Variants in PRDM10 observed in about 807,000 individuals in gnomAD.
The protein encoded by PRDM10 is PR domain zinc finger protein 10.
A neutral mutation model predicts 133.1 loss-of-function variants in PRDM10; 65 were observed. The observed-to-expected ratio is 0.49, with a 90% CI of 0.40 to 0.60. PRDM10 has a LOEUF of 0.60. PRDM10 is among the 20% of genes least tolerant of loss of function. The pLI, the probability that PRDM10 is intolerant of heterozygous loss-of-function variation, is 0.00. For synonymous variants in PRDM10, 582 were observed against 580.4 expected, an observed-to-expected ratio of 1.00 and a Z score of -0.04; for missense variants, 1,137 against 1,507.1, an observed-to-expected ratio of 0.75 and a Z score of 4.07.
At chr11:129,969,564 T>C (rs1378971940) in intron 1 of PRDM10, among the ~76,000 whole-genome samples, 1 of 149,974 alleles carries the variant, frequency 6.7e-6, no homozygotes, top group African/African-American at 2.5e-5. Flanking sequence ...GAGGCCAAGG[T>C]GGGCGGATCA....
intron 2 of PRDM10, among the ~76,000 whole-genome samples, chr11:129,958,267 A>T (rs1158163460): frequency 6.6e-6 from 1 of 152,172 alleles, no homozygotes; most frequent in Non-Finnish European, 1.5e-5. Flanking sequence ...ATACGTCAAG[A>T]CTCAAAAGCC....
rs1029453562 is a variant in PRDM10 at position 129,914,812 on chromosome 11, T to A, written c.2733A>T (p.Arg911=). ...ELSQTLTTDY[R]TPQGDYQRIQ... ...TTCTCTGGTAATCCCCTTGTGGCGTTCGGTAGTCTGTCGTTAAGGTCTGGG... is the reference window on the plus strand; with the variant it reads ...TTCTCTGGTAATCCCCTTGTGGCGTACGGTAGTCTGTCGTTAAGGTCTGGG... Residue 911 remains arginine, a synonymous_variant, in exon 17 of 21, where the codon CGA becomes CGT. Transcript: ENST00000360871. 1 of 1,614,154 alleles carries A rather than the reference T, an allele frequency of 6.2e-7. No individual in the cohort carries two copies.
intron 1 of PRDM10, among the ~76,000 whole-genome samples, chr11:129,966,448 C>G (rs1381811529): frequency 6.6e-6 from 1 of 152,200 alleles, no homozygotes; most frequent in East Asian, 1.9e-4. Flanking sequence ...CATAGGGTCA[C>G]TGCCCACTCA....
intron 6 of PRDM10, among the ~76,000 whole-genome samples, chr11:129,943,853 C>T (rs548535865): frequency 6.6e-6 from 1 of 152,084 alleles, no homozygotes; most frequent in South Asian, 2.1e-4. Context: ...ATTAGCTGGG[C>T]GTGATGGCAG....
chr11:129,974,654 T>A (rs1279108899), intron 1 of PRDM10, among the ~76,000 whole-genome samples: 1 of 152,148 alleles, frequency 6.6e-6, no homozygotes, highest in Middle Eastern at 3.2e-3. Flanking sequence ...CACTCCACAG[T>A]TACATCTGAG....
intron 1 of PRDM10, among the ~76,000 whole-genome samples, chr11:130,001,472 CA>C (rs1939372374): frequency 1.3e-5 from 2 of 152,140 alleles, no homozygotes; most frequent in Admixed American, 1.3e-4. Context: ...AAGGTTTCAA[CA>C]GGCAAAGCAG....
At chr11:129,968,204 G>T (rs1951944831) in intron 1 of PRDM10, among the ~76,000 whole-genome samples, 3 of 152,134 alleles carry the variant, frequency 2.0e-5, no homozygotes, top group African/African-American at 7.2e-5. Context: ...AGCAACAAAG[G>T]TTTCTGTACT....
At chr11:129,944,238 C>G (rs755669789) in intron 6 of PRDM10, among the ~76,000 whole-genome samples, 1 of 152,120 alleles carries the variant, frequency 6.6e-6, no homozygotes, top group Non-Finnish European at 1.5e-5. Flanking sequence ...TATTTTACTA[C>G]GGCAACCCTA....
At chr11:129,989,835 G>A (rs1019595772) in intron 1 of PRDM10, among the ~76,000 whole-genome samples, 2 of 152,078 alleles carry the variant, frequency 1.3e-5, no homozygotes, top group Non-Finnish European at 2.9e-5. Context: ...GTAACTACTC[G>A]TTCACTCTAC....
chr11:129,979,015 C>A (rs1396918072), intron 1 of PRDM10, among the ~76,000 whole-genome samples: 1 of 152,168 alleles, frequency 6.6e-6, no homozygotes, highest in African/African-American at 2.4e-5. Flanking sequence ...CCTAGCCCGA[C>A]AATCCTACAT....
rs916671714 is a variant in PRDM10, at chr11:129,902,455, G to C, written c.3329C>G (p.Ser1110Cys). 1 of 1,614,242 alleles carries C rather than the reference G, an allele frequency of 6.2e-7. No homozygotes were observed. The highest frequency in any genetic ancestry group is 8.5e-7 in the Non-Finnish European group (1 of 1,180,046). ...AGGTGGCTCGACCTGGACTCCACCA[G>C]AGAGGGCAGAAGTTTGCTTTTCTTC... ...ELEEKQTSAL[S>C]GGVQVEPPAH... Residue 1110 changes from serine to cysteine, a missense_variant, in exon 21 of 21, where the codon TCT becomes TGT. This residue lies in a region of PRDM10 where 243 missense variants were observed against 259.2 expected (regional missense o/e 0.94). Coordinates refer to ENST00000360871, the MANE Select transcript of PRDM10 (RefSeq NM_199437.2).
chr11:129,973,364 T>C (rs987176468), intron 1 of PRDM10, among the ~76,000 whole-genome samples: 1 of 152,174 alleles, frequency 6.6e-6, no homozygotes, highest in African/African-American at 2.4e-5. Flanking sequence ...ATAACTGAGC[T>C]AAGGAAACCA....
chr11:129,932,247 T>C lies in PRDM10; in HGVS notation c.1158-16A>G. ...GCCTCTTGTTCTGGGGACAAGAGAT[T>C]GGGTTACAGGTCGTCATGGTTACAT... On this transcript the variant is annotated splice_polypyrimidine_tract_variant and intron_variant, in intron 9 of 20. Transcript: ENST00000360871. 1 of 1,613,278 alleles carries C rather than the reference T, an allele frequency of 6.2e-7. No individual in the cohort carries two copies. The highest frequency in any genetic ancestry group is 8.5e-7 in the Non-Finnish European group (1 of 1,179,402).
chr11:129,960,051 T>A (rs1951768057), intron 2 of PRDM10, among the ~76,000 whole-genome samples: 1 of 152,012 alleles, frequency 6.6e-6, no homozygotes. Flanking sequence ...AACCACCATA[T>A]TTGGTCCATA....
At chr11:129,954,921 A>C (rs913360310) in intron 4 of PRDM10, among the ~76,000 whole-genome samples, 1 of 152,202 alleles carries the variant, frequency 6.6e-6, no homozygotes, top group Non-Finnish European at 1.5e-5. Context: ...AGCCTCCCAA[A>C]GTGCTGGGAT....
intron 1 of PRDM10, among the ~76,000 whole-genome samples, chr11:130,000,952 G>A (rs1369444818): frequency 6.6e-6 from 1 of 152,062 alleles, no homozygotes; most frequent in Admixed American, 6.6e-5. Context: ...ACAAAAAGTA[G>A]AAAAATTAGC....
intron 1 of PRDM10, among the ~76,000 whole-genome samples, chr11:129,991,875 C>T (rs1461927739): frequency 2.0e-5 from 3 of 149,542 alleles, no homozygotes; most frequent in African/African-American, 7.4e-5. Context: ...CCCAGCTACT[C>T]GGGGAGCTGA....
At chr11:129,977,548 C>T (rs1353453800) in intron 1 of PRDM10, among the ~76,000 whole-genome samples, 1 of 152,198 alleles carries the variant, frequency 6.6e-6, no homozygotes, top group Non-Finnish European at 1.5e-5. Context: ...TCCCAAAGTG[C>T]TGGGATTACA....
intron 1 of PRDM10, among the ~76,000 whole-genome samples, chr11:129,986,016 C>A: frequency 6.6e-6 from 1 of 151,602 alleles, no homozygotes; most frequent in Non-Finnish European, 1.5e-5. Context: ...GTGTTGGGCT[C>A]GTGGTGGATT....
Sources: allele counts gnomAD v4.1 joint callset (sites outside exome capture counted in the v4.1 genomes callset), GRCh38; gene constraint gnomAD v4.1.1; regional missense constraint gnomAD v4.1.1; transcripts MANE v1.5; gene names NCBI Gene and HGNC (gene_info 2026-07-23, HGNC 2026-07-21).